WWOX: variants seen among roughly 807,000 people sequenced by gnomAD.
The protein encoded by WWOX is WW domain containing oxidoreductase.
WWOX carries 69 observed loss-of-function variants against 46.2 expected under a neutral mutation model. The observed-to-expected ratio is 1.49, with a 90% CI of 1.23 to 1.82. The LOEUF is 1.82. WWOX is among the 40% of genes most tolerant of loss of function. WWOX has a pLI of 0.00. For missense variants in WWOX, 919 were observed against 542.6 expected (o/e 1.69, Z -6.89); for synonymous variants, 359 against 202.6 (o/e 1.77, Z -6.56).
At chr16:78,615,168 A>C (rs1257640602) in intron 8 of WWOX, among the ~76,000 whole-genome samples, 1 of 152,196 alleles carries the variant, frequency 6.6e-6, no homozygotes, top group African/African-American at 2.4e-5. Context: ...ATTATTTTTT[A>C]GAGGTTGTAA....
chr16:78,900,960 C>T lies in WWOX; in HGVS notation c.1057-310648C>T, dbSNP rs368316103. Among the ~76,000 whole-genome samples, 5 of 152,134 alleles carry T rather than the reference C, an allele frequency of 3.3e-5. No individual in the cohort carries two copies. The South Asian group carries it at 1.0e-3, about 32-fold the overall frequency. ...CCAAGAAGAGCACTAATTAATCTCT[C>T]TAGAAGGGTACCACAGTTTCCATGA... On this transcript the variant is annotated intron_variant, in intron 8 of 8. Coordinates refer to ENST00000566780, the MANE Select transcript of WWOX (RefSeq NM_016373.4).
At chr16:78,407,429 A>G (rs1012558851) in intron 6 of WWOX, among the ~76,000 whole-genome samples, 5 of 152,156 alleles carry the variant, frequency 3.3e-5, no homozygotes, top group African/African-American at 1.2e-4. Flanking sequence ...CAAAGCCACA[A>G]TTATCTTAAC....
intron 5 of WWOX, among the ~76,000 whole-genome samples, chr16:78,174,193 T>A (rs569774389): frequency 6.6e-6 from 1 of 152,308 alleles, no homozygotes; most frequent in Non-Finnish European, 1.5e-5. Context: ...TTAACTGGAC[T>A]TACAGTTCCA....
intron 8 of WWOX, among the ~76,000 whole-genome samples, chr16:79,031,457 T>G (rs1036502871): frequency 3.9e-5 from 6 of 151,982 alleles, no homozygotes; most frequent in African/African-American, 1.4e-4. Context: ...AGGGACTCAA[T>G]TTTTGTGGGT....
At chr16:78,376,991 A>T (rs977846737) in intron 5 of WWOX, among the ~76,000 whole-genome samples, 1 of 152,186 alleles carries the variant, frequency 6.6e-6, no homozygotes, top group Admixed American at 6.5e-5. Flanking sequence ...ACTTGCGGCA[A>T]TCACCAGATC....
At chr16:78,144,508 T>TATATACACACACACACACAC (rs2034127096) in intron 4 of WWOX, among the ~76,000 whole-genome samples, 1 of 37,036 alleles carries the variant, frequency 2.7e-5, no homozygotes, top group African/African-American at 9.8e-5. Context: ...CACATATATA[T>TATATACACACACACACACAC]ATATATATAT....
intron 8 of WWOX, among the ~76,000 whole-genome samples, chr16:79,164,936 C>G (rs938282707): frequency 6.6e-6 from 1 of 152,026 alleles, no homozygotes; most frequent in Non-Finnish European, 1.5e-5. Flanking sequence ...CATAAAGATA[C>G]CCTGTTGTTA....
chr16:79,007,282 T>G (rs1597267333), intron 8 of WWOX, among the ~76,000 whole-genome samples: 1 of 152,146 alleles, frequency 6.6e-6, no homozygotes, highest in East Asian at 1.9e-4. Flanking sequence ...GGGACTTACA[T>G]AAATAGAGTA....
chr16:78,268,441 T>G (rs1441937656), intron 5 of WWOX, among the ~76,000 whole-genome samples: 1 of 152,142 alleles, frequency 6.6e-6, no homozygotes, highest in East Asian at 1.9e-4. Flanking sequence ...GAGCTAACCT[T>G]TGTGGATGAA....
chr16:78,856,465 A>C (rs938927208), intron 8 of WWOX, among the ~76,000 whole-genome samples: 4 of 152,144 alleles, frequency 2.6e-5, no homozygotes, highest in Non-Finnish European at 5.9e-5. Flanking sequence ...CAACATCACA[A>C]AACCTCATTT....
chr16:78,352,729 G>C (rs558220481), intron 5 of WWOX, among the ~76,000 whole-genome samples: 3 of 152,200 alleles, frequency 2.0e-5, no homozygotes, highest in African/African-American at 7.2e-5. Context: ...GAACATATTG[G>C]GGTAGAGGGC....
rs114448983 is a variant in WWOX, at chr16:78,554,370, G to T, written c.1056+121618G>T. ...CCTACCGCTCAAAGCCATCACCAAGGTCTGATCGTGAAAATTCAAAAAATT... is the reference window on the plus strand; with the variant it reads ...CCTACCGCTCAAAGCCATCACCAAGTTCTGATCGTGAAAATTCAAAAAATT... On this transcript the variant is annotated intron_variant, in intron 8 of 8. Transcript: ENST00000566780. 7.4e-3 allele frequency among the ~76,000 whole-genome samples: 1,132 copies of T among 152,264 alleles called. 21 individuals carry two copies. Among genetic ancestry groups the T allele is most frequent in the African/African-American group, 0.025 (1,047 of 41,518 alleles).
chr16:78,859,102 A>G (rs1041048626), intron 8 of WWOX, among the ~76,000 whole-genome samples: 1 of 142,692 alleles, frequency 7.0e-6, no homozygotes, highest in Non-Finnish European at 1.5e-5. Flanking sequence ...TTTCAGTTGC[A>G]CAACTATAAT....
intron 8 of WWOX, among the ~76,000 whole-genome samples, chr16:78,731,489 G>A (rs1858067608): frequency 6.6e-6 from 1 of 152,120 alleles, no homozygotes; most frequent in Admixed American, 6.5e-5. Context: ...ATAAGCCTCT[G>A]TTCTTTCTTG....
intron 8 of WWOX, among the ~76,000 whole-genome samples, chr16:78,981,091 C>A (rs2046672444): frequency 6.6e-6 from 1 of 152,186 alleles, no homozygotes; most frequent in African/African-American, 2.4e-5. Flanking sequence ...CATTCGAGTT[C>A]TTCCTGTGGA....
At chr16:78,749,641 G>A (rs1364779893) in intron 8 of WWOX, among the ~76,000 whole-genome samples, 1 of 152,126 alleles carries the variant, frequency 6.6e-6, no homozygotes, top group East Asian at 1.9e-4. Context: ...GGTGGAGGAA[G>A]TGTTTTCTGG....
At chr16:78,630,835 C>G (rs985268829) in intron 8 of WWOX, among the ~76,000 whole-genome samples, 1 of 151,858 alleles carries the variant, frequency 6.6e-6, no homozygotes, top group Non-Finnish European at 1.5e-5. Context: ...AAATAGCCAA[C>G]AAATACTGGG....
chr16:78,327,231 A>C (rs986869433), intron 5 of WWOX, among the ~76,000 whole-genome samples: 19 of 152,300 alleles, frequency 1.2e-4, no homozygotes, highest in African/African-American at 4.1e-4. Context: ...TGATAAATGG[A>C]TGTGTCATAT....
At chr16:78,957,626 T>A (rs573080294) in intron 8 of WWOX, among the ~76,000 whole-genome samples, 3 of 152,194 alleles carry the variant, frequency 2.0e-5, no homozygotes, top group Non-Finnish European at 4.4e-5. Context: ...TTCGGATAGA[T>A]TCTATCTCTA....
Sources: allele counts gnomAD v4.1 joint callset (sites outside exome capture counted in the v4.1 genomes callset), GRCh38; gene constraint gnomAD v4.1.1; transcripts MANE v1.5; gene names NCBI Gene and HGNC (gene_info 2026-07-23, HGNC 2026-07-21).